CTNND2: variants seen among roughly 807,000 people sequenced by gnomAD.
The protein encoded by CTNND2 is catenin delta-2.
Under a neutral mutation model 144.4 loss-of-function variants are expected in CTNND2, and 22 were observed. The observed-to-expected ratio is 0.15, with a 90% CI of 0.11 to 0.22. The LOEUF (loss-of-function observed/expected upper bound fraction) is 0.22, where lower values mean the gene tolerates loss of function less well. CTNND2 is among the 10% of genes least tolerant of loss of function. CTNND2 has a pLI of 1.00. For missense variants in CTNND2, 1,353 were observed against 1,618.8 expected, an observed-to-expected ratio of 0.84 and a Z score of 2.82; for synonymous variants, 751 against 695.6, an observed-to-expected ratio of 1.08 and a Z score of -1.25.
chr5:11,520,707 C>T (rs1209657675), intron 3 of CTNND2, among the ~76,000 whole-genome samples: 1 of 152,206 alleles, frequency 6.6e-6, no homozygotes, highest in Non-Finnish European at 1.5e-5. Flanking sequence ...GCTGCCTTCA[C>T]CCAGTACCAG....
chr5:11,207,816 T>C (rs1041023289), intron 10 of CTNND2, among the ~76,000 whole-genome samples: 5 of 152,208 alleles, frequency 3.3e-5, no homozygotes, highest in Non-Finnish European at 5.9e-5. Context: ...TTTTAATCCA[T>C]AATAAAGTGA....
At chr5:11,455,860 T>C (rs932915343) in intron 3 of CTNND2, among the ~76,000 whole-genome samples, 5 of 152,214 alleles carry the variant, frequency 3.3e-5, no homozygotes, top group African/African-American at 9.6e-5. Context: ...CCAAGAATGC[T>C]TGCTCAGGCG....
At chr5:11,621,921 C>T (rs534479435) in intron 2 of CTNND2, among the ~76,000 whole-genome samples, 1 of 152,212 alleles carries the variant, frequency 6.6e-6, no homozygotes, top group African/African-American at 2.4e-5. Flanking sequence ...TTGTCCCAAA[C>T]TCTTTGCATC....
chr5:11,748,715 C>A (rs77686366), intron 1 of CTNND2, among the ~76,000 whole-genome samples: 14 of 152,124 alleles, frequency 9.2e-5, no homozygotes, highest in Admixed American at 2.6e-4. Context: ...CTCTCACCTG[C>A]ATTTATATCT....
At chr5:11,889,074 C>A (rs1003236652) in intron 1 of CTNND2, among the ~76,000 whole-genome samples, 1 of 152,192 alleles carries the variant, frequency 6.6e-6, no homozygotes, top group African/African-American at 2.4e-5. Flanking sequence ...TAAATAGAAA[C>A]CTTTTCACGG....
intron 9 of CTNND2, among the ~76,000 whole-genome samples, chr5:11,321,578 A>G (rs1048137189): frequency 5.9e-5 from 9 of 152,196 alleles, no homozygotes; most frequent in African/African-American, 1.9e-4. Flanking sequence ...ATGATGTATT[A>G]AAAATGTGAA....
intron 2 of CTNND2, among the ~76,000 whole-genome samples, chr5:11,670,788 AT>A (rs1260945714): frequency 1.3e-4 from 20 of 152,072 alleles, no homozygotes; most frequent in Non-Finnish European, 7.4e-5. Flanking sequence ...TAATGTTAAT[AT>A]TGTTATGTAT....
chr5:11,256,095 C>T (rs562206809), intron 9 of CTNND2, among the ~76,000 whole-genome samples: 6 of 152,252 alleles, frequency 3.9e-5, no homozygotes, highest in South Asian at 4.2e-4. Context: ...GTGCTCAGGC[C>T]GAACTGTCTG....
At chr5:11,532,754 C>T (rs1319701142) in intron 3 of CTNND2, among the ~76,000 whole-genome samples, 1 of 152,180 alleles carries the variant, frequency 6.6e-6, no homozygotes, top group East Asian at 1.9e-4. Context: ...ATTTGCTAGT[C>T]AGGAAATAGA....
At chr5:11,055,211 G>A (rs1388945543) in intron 16 of CTNND2, among the ~76,000 whole-genome samples, 2 of 152,218 alleles carry the variant, frequency 1.3e-5, no homozygotes, top group Non-Finnish European at 1.5e-5. Flanking sequence ...AACAAGTTGT[G>A]TGGAAGTCTT....
In CTNND2 at chr5:11,058,180, G is replaced by C. The variant is rs565211042; in HGVS notation, c.2788+24516C>G. Reference sequence around the variant, plus strand: ...AAATTTGCATACGTAATGAGGAGCTGAATGTTAATCCCCAAGACAATGGGG... The same window carrying C: ...AAATTTGCATACGTAATGAGGAGCTCAATGTTAATCCCCAAGACAATGGGG... On this transcript the variant is annotated intron_variant, in intron 16 of 21. Coordinates refer to ENST00000304623, the MANE Select transcript of CTNND2 (RefSeq NM_001332.4). 1.1e-3 allele frequency among the ~76,000 whole-genome samples: 167 copies of C among 152,324 alleles called. 1 individual carries two copies. The highest frequency in any genetic ancestry group is 3.8e-3 in the African/African-American group (156 of 41,574).
intron 1 of CTNND2, among the ~76,000 whole-genome samples, chr5:11,847,139 T>C (rs1181669786): frequency 2.3e-5 from 1 of 43,538 alleles, no homozygotes; most frequent in Middle Eastern, 8.6e-3. Context: ...TATATATATA[T>C]ATATATATAT....
At chr5:11,828,897 G>T (rs1197882225) in intron 1 of CTNND2, among the ~76,000 whole-genome samples, 1 of 152,130 alleles carries the variant, frequency 6.6e-6, no homozygotes, top group Non-Finnish European at 1.5e-5. Context: ...GAATGGCTTT[G>T]CCCAAAATGC....
At chr5:11,623,744 A>G (rs765024584) in intron 2 of CTNND2, among the ~76,000 whole-genome samples, 6 of 147,546 alleles carry the variant, frequency 4.1e-5, no homozygotes, top group Non-Finnish European at 6.0e-5. Flanking sequence ...AGGGTATTAC[A>G]CAATGGTAAA....
intron 11 of CTNND2, among the ~76,000 whole-genome samples, chr5:11,169,452 A>G (rs1315314648): frequency 6.6e-6 from 1 of 152,204 alleles, no homozygotes; most frequent in Non-Finnish European, 1.5e-5. Context: ...ATTCTTGAAT[A>G]TTCAGGGGAT....
intron 5 of CTNND2, among the ~76,000 whole-genome samples, chr5:11,406,086 A>G (rs1450476340): frequency 6.6e-6 from 1 of 152,106 alleles, no homozygotes; most frequent in Non-Finnish European, 1.5e-5. Flanking sequence ...GGCAGAGGTT[A>G]CAGTGAGCTG....
chr5:11,336,422 T>C (rs1753733173), intron 9 of CTNND2, among the ~76,000 whole-genome samples: 1 of 152,234 alleles, frequency 6.6e-6, no homozygotes. Flanking sequence ...TTATAGCTAC[T>C]ATGACTTATC....
At chr5:11,035,845 T>C (rs1229983574) in intron 16 of CTNND2, among the ~76,000 whole-genome samples, 2 of 94,946 alleles carry the variant, frequency 2.1e-5, no homozygotes, top group Admixed American at 2.6e-4. Flanking sequence ...TGCCTGGAAA[T>C]AATGAACTTG....
chr5:11,711,065 AT>A (rs11356551), intron 2 of CTNND2, among the ~76,000 whole-genome samples: 9,270 of 147,516 alleles, frequency 0.063, 650 homozygotes, highest in African/African-American at 0.18. Context: ...GATTGGCTTA[AT>A]TTTTTTTTTT....
Sources: allele counts gnomAD v4.1 joint callset (sites outside exome capture counted in the v4.1 genomes callset), GRCh38; gene constraint gnomAD v4.1.1; transcripts MANE v1.5; gene names NCBI Gene and HGNC (gene_info 2026-07-23, HGNC 2026-07-21).